ZFYVE9: variants seen among roughly 807,000 people sequenced by gnomAD.
ZFYVE9 encodes zinc finger FYVE-type containing 9.
In ZFYVE9, 43 loss-of-function variants were observed where a neutral mutation model predicts 126.7. That is an observed-to-expected ratio of 0.34 (90% confidence interval 0.27 to 0.44). The LOEUF (loss-of-function observed/expected upper bound fraction) is 0.44. Among genes scored for constraint, ZFYVE9 ranks in the 20% least tolerant of loss-of-function variants. The probability of loss-of-function intolerance (pLI) is 1.00; values close to 1 mark genes in which losing one functional copy is unlikely to be tolerated. For synonymous variants in ZFYVE9, 521 were observed against 597.4 expected (o/e 0.87, Z 1.87); for missense variants, 1,476 against 1,697.0 (o/e 0.87, Z 2.29).
chr1:52,253,577 T>G, intron 4 of ZFYVE9: 1 of 908,118 alleles, frequency 1.1e-6, no homozygotes, highest in South Asian at 1.4e-5. Context: ...CTGCTGGAGA[T>G]CCTGAGAACC....
chr1:52,171,740 C>G lies in ZFYVE9; in HGVS notation c.-143+29337C>G, dbSNP rs1307909369. Reference sequence around the variant, plus strand: ...CATTGTAGTTTTGATTTGCATTTCTCTGATGGCCAGTGATGATGAGCATTT... The same window carrying G: ...CATTGTAGTTTTGATTTGCATTTCTGTGATGGCCAGTGATGATGAGCATTT... On this transcript the variant is annotated intron_variant, in intron 1 of 18. Coordinates refer to ENST00000287727, the MANE Select transcript of ZFYVE9 (RefSeq NM_004799.4). Among the ~76,000 whole-genome samples the G allele has an allele frequency of 3.3e-5, 5 of 152,304 alleles. No individual in the cohort carries two copies. In the South Asian group the frequency reaches 8.3e-4, roughly 25 times the overall value.
In ZFYVE9 at chr1:52,279,460, C is replaced by T. The variant is rs143244287; in HGVS notation, c.2869+846C>T. Among the ~76,000 whole-genome samples the T allele has an allele frequency of 5.3e-5, 8 of 152,134 alleles. No homozygotes were observed. In the East Asian group the frequency reaches 9.7e-4, roughly 18 times the overall value. The stretch of plus-strand genomic sequence containing the variant: ...ATCATGGGCATCAGGATGAGAAAGA[C>T]GACAGTATTTGAGAATTTTTTGAGA... On this transcript the variant is annotated intron_variant, in intron 9 of 18. Coordinates refer to ENST00000287727, the MANE Select transcript of ZFYVE9 (RefSeq NM_004799.4).
intron 10 of ZFYVE9, among the ~76,000 whole-genome samples, chr1:52,291,747 G>C (rs1362603655): frequency 6.6e-6 from 1 of 151,746 alleles, no homozygotes; most frequent in African/African-American, 2.4e-5. Context: ...GCGTGGTGGT[G>C]GGTGCCTATA....
intron 4 of ZFYVE9, among the ~76,000 whole-genome samples, chr1:52,246,988 G>A (rs1425570873): frequency 2.6e-5 from 4 of 151,954 alleles, no homozygotes; most frequent in African/African-American, 4.8e-5. Context: ...GATTACAGGC[G>A]TGAGCCGCTG....
intron 3 of ZFYVE9, among the ~76,000 whole-genome samples, chr1:52,237,092 A>G (rs1007008322): frequency 6.6e-6 from 1 of 152,086 alleles, no homozygotes; most frequent in Non-Finnish European, 1.5e-5. Context: ...CTCTACAGAA[A>G]ACTTCATTTT....
At chr1:52,188,791 C>CT (rs775709586) in intron 1 of ZFYVE9, among the ~76,000 whole-genome samples, 24 of 150,692 alleles carry the variant, frequency 1.6e-4, no homozygotes, top group African/African-American at 2.2e-4. Flanking sequence ...TTTAAGATAG[C>CT]TTTTTTTTTA....
At chr1:52,189,305 A>G (rs1296117507) in intron 1 of ZFYVE9, among the ~76,000 whole-genome samples, 3 of 146,144 alleles carry the variant, frequency 2.1e-5, no homozygotes, top group Admixed American at 6.8e-5. Flanking sequence ...GGCACGATCC[A>G]GGCTCACTGC....
chr1:52,143,190 C>T (rs562084516), intron 1 of ZFYVE9, among the ~76,000 whole-genome samples: 121 of 152,262 alleles, frequency 7.9e-4, no homozygotes, highest in African/African-American at 2.7e-3. Flanking sequence ...CAAAAATGTT[C>T]CACTTAAAGA....
intron 2 of ZFYVE9, among the ~76,000 whole-genome samples, chr1:52,222,888 C>A (rs1443810897): frequency 6.6e-6 from 1 of 152,190 alleles, no homozygotes; most frequent in African/African-American, 2.4e-5. Flanking sequence ...TTAGTTCCTG[C>A]TTTGGGAATT....
intron 14 of ZFYVE9, among the ~76,000 whole-genome samples, chr1:52,333,967 C>T (rs981394054): frequency 1.3e-5 from 2 of 152,064 alleles, no homozygotes; most frequent in Admixed American, 1.3e-4. Context: ...CTGGCACATG[C>T]CTGTAGTCCC....
At position 52,266,837 on chromosome 1, in the gene ZFYVE9, G is replaced by A. The variant is rs763532878; in HGVS notation, c.2455+6G>A. On this transcript the variant is annotated splice_donor_region_variant and intron_variant, in intron 6 of 18. Coordinates refer to ENST00000287727, the MANE Select transcript of ZFYVE9 (RefSeq NM_004799.4). Reference sequence around the variant, plus strand: ...AAAGCACCCTGGAGCAGAAGGTAGGGGATCATGTGCTATTCTCTCTCTTTT... The same window carrying A: ...AAAGCACCCTGGAGCAGAAGGTAGGAGATCATGTGCTATTCTCTCTCTTTT... 6.3e-7 allele frequency: 1 copy of A among 1,585,966 alleles called. No individual in the cohort carries two copies.
At chr1:52,266,523 T>C (rs948829597) in intron 5 of ZFYVE9, 132 bp from the exon 6 acceptor site, 9 of 683,496 alleles carry the variant, frequency 1.3e-5, no homozygotes, top group Non-Finnish European at 1.8e-5. Flanking sequence ...CTTTAATACC[T>C]TCACTAGGTG....
intron 1 of ZFYVE9, among the ~76,000 whole-genome samples, chr1:52,165,476 G>A (rs1644505020): frequency 6.6e-6 from 1 of 152,180 alleles, no homozygotes; most frequent in Admixed American, 6.5e-5. Context: ...ATGCATGTGT[G>A]TGTATATAGA....
intron 4 of ZFYVE9, 106 bp downstream of exon 4, chr1:52,239,701 C>A: frequency 7.9e-7 from 1 of 1,273,460 alleles, no homozygotes; most frequent in Non-Finnish European, 1.0e-6. Flanking sequence ...GTTGAGTTGA[C>A]CTAAATAGCA....
chr1:52,278,744 T>TG (rs1645773439), intron 9 of ZFYVE9, 130 bp downstream of exon 9: 2 of 690,552 alleles, frequency 2.9e-6, no homozygotes, highest in South Asian at 2.2e-5. Context: ...TTTTTTTTTT[T>TG]GAGACAGAAT....
chr1:52,146,788 A>C (rs1352175292), intron 1 of ZFYVE9, among the ~76,000 whole-genome samples: 1 of 152,216 alleles, frequency 6.6e-6, no homozygotes, highest in African/African-American at 2.4e-5. Flanking sequence ...ATTAAGGAGG[A>C]ACCAAGGTGT....
rs796110763 is a variant in ZFYVE9, at chr1:52,192,022, T to C, written c.-142-24347T>C. Among the ~76,000 whole-genome samples, 17 of 89,490 alleles carry C rather than the reference T, an allele frequency of 1.9e-4. 1 individual carries two copies. In the South Asian group the frequency reaches 7.3e-3, roughly 38 times the overall value. The allele number at this position is 89,490 out of a possible 152,430, so 58.7% of individuals were successfully genotyped here. On this transcript the variant is annotated intron_variant, in intron 1 of 18. Transcript: ENST00000287727. ...CTAGACAGGCTTAGGACACAGTAAT[T>C]GGCAGGGGCTTTTTTTTTTTTCTAG...
chr1:52,219,998 G>A (rs574146464), intron 2 of ZFYVE9, among the ~76,000 whole-genome samples: 9 of 151,952 alleles, frequency 5.9e-5, no homozygotes, highest in Middle Eastern at 3.4e-3. Context: ...GGCTGGTCTC[G>A]AACTCCTGAC....
intron 4 of ZFYVE9, among the ~76,000 whole-genome samples, chr1:52,250,300 CTT>C (rs1332833550): frequency 7.9e-5 from 12 of 151,982 alleles, no homozygotes; most frequent in Non-Finnish European, 8.8e-5. Context: ...AATCTTTTGT[CTT>C]TTGTAGTTTT....
Sources: allele counts gnomAD v4.1 joint callset (sites outside exome capture counted in the v4.1 genomes callset), GRCh38; gene constraint gnomAD v4.1.1; transcripts MANE v1.5; gene names NCBI Gene and HGNC (gene_info 2026-07-23, HGNC 2026-07-21).